Variants in MCM3AP observed in about 807,000 individuals in gnomAD.
MCM3AP encodes minichromosome maintenance complex component 3 associated protein.
In MCM3AP, 126 loss-of-function variants were observed where a neutral mutation model predicts 184.1. The ratio of observed to expected loss-of-function variants is 0.68; its 90% CI spans 0.59 to 0.79. The LOEUF is 0.79. Ranked by LOEUF, MCM3AP falls within the 30% of genes least tolerant of loss-of-function variation. The probability of loss-of-function intolerance (pLI) is 0.00; values close to 1 mark genes in which losing one functional copy is unlikely to be tolerated. For synonymous variants in MCM3AP, 1,002 were observed against 979.3 expected (o/e 1.02, Z -0.43); for missense variants, 2,496 against 2,479.2 (o/e 1.01, Z -0.14).
At chr21:46,242,985 C>CAAAA in intron 24 of MCM3AP, 54 bp from the exon 25 acceptor site, 3 of 1,020,146 alleles carry the variant, frequency 2.9e-6, no homozygotes, top group Admixed American at 3.1e-5. Flanking sequence ...AACCCTGTCT[C>CAAAA]AAAAAAAAAA....
chr21:46,241,133 G>A (rs2080657333), intron 25 of MCM3AP, 116 bp from the exon 26 acceptor site: 1 of 767,530 alleles, frequency 1.3e-6, no homozygotes, highest in South Asian at 1.6e-5. Context: ...ATGTGCCTCA[G>A]ACACATGTGC....
chr21:46,284,875 C>T lies in MCM3AP; in HGVS notation c.412G>A (p.Gly138Ser), dbSNP rs778634295. 1.9e-6 allele frequency: 3 copies of T among 1,614,198 alleles called. No homozygotes were observed. Among genetic ancestry groups the T allele is most frequent in the East Asian group, 2.2e-5 (1 of 44,886 alleles). The change falls in exon 1 of 28, where the codon GGT becomes AGT. Residue 138 changes from glycine (G) to serine (S), a missense_variant. Gly to Ser is a moderately conservative substitution (Grantham distance 56, BLOSUM62 0). Around this residue, in one of 5 missense-constraint regions of MCM3AP, gnomAD observed 800 missense variants for 717.1 expected, o/e 1.12. Transcript: ENST00000291688. ...GQEAGEIVNS[G>S]FGKTEFSFKP... ...AAGCTGAATTCTGTTTTCCCAAAAC[C>T]AGAGTTCACTATTTCTCCAGCTTCT...
chr21:46,266,062 A>G lies in MCM3AP; in HGVS notation c.2894T>C (p.Ile965Thr), dbSNP rs770327154. The G allele has an allele frequency of 6.2e-7, 1 of 1,612,366 alleles. No individual in the cohort carries two copies. Among genetic ancestry groups the G allele is most frequent in the South Asian group, 1.1e-5 (1 of 90,308 alleles). The change falls in exon 11 of 28, where the codon ATT (isoleucine) becomes ACT (threonine). Residue 965 changes from isoleucine (I) to threonine (T), a missense_variant. Physicochemically the swap from Ile to Thr is moderately conservative, Grantham distance 89 (BLOSUM62 -1). Around this residue, in one of 5 missense-constraint regions of MCM3AP, gnomAD observed 138 missense variants for 191.9 expected, o/e 0.72. Transcript: ENST00000291688. ...GGGGGGCAATGGCCCTCCGTTCACAATTTCCCCGACTGACACCGTCAGCTT... is the reference window on the plus strand; with the variant it reads ...GGGGGGCAATGGCCCTCCGTTCACAGTTTCCCCGACTGACACCGTCAGCTT... Reference protein sequence around the residue: ...TRKLTVSVGEIVNGGPLPPVP... With the variant: ...TRKLTVSVGETVNGGPLPPVP...
Position 46,280,144 on chromosome 21 carries a change from A to G in MCM3AP, c.1523-7T>C, listed in dbSNP as rs2081313169. On this transcript the variant is annotated splice_region_variant and splice_polypyrimidine_tract_variant and intron_variant, in intron 3 of 27. Coordinates refer to ENST00000291688, the MANE Select transcript of MCM3AP (RefSeq NM_003906.5). ...AAGGGTTTCTTATTGGGGCCTGTGG[A>G]CATAGGAGGCAGAAAAGAGTTTATG... 1.9e-6 allele frequency: 3 copies of G among 1,613,808 alleles called. No individual in the cohort carries two copies. The highest frequency in any genetic ancestry group is 8.5e-7 in the Non-Finnish European group (1 of 1,179,880).
chr21:46,264,311 C>T (rs1340842852), intron 12 of MCM3AP, 94 bp from the exon 13 acceptor site: 16 of 757,048 alleles, frequency 2.1e-5, no homozygotes, highest in Non-Finnish European at 3.3e-5. Flanking sequence ...GCAGGCGTCT[C>T]GTGACAGAAG....
At chr21:46,266,890 G>A in intron 10 of MCM3AP, 92 bp downstream of exon 10, 1 of 1,397,904 alleles carries the variant, frequency 7.2e-7, no homozygotes, top group Non-Finnish European at 9.8e-7. Flanking sequence ...CCTTCTTCAA[G>A]TCAGGCAAGC....
chr21:46,267,216 C>T, intron 9 of MCM3AP, 74 bp from the exon 10 acceptor site: 1 of 1,428,550 alleles, frequency 7.0e-7, no homozygotes, highest in South Asian at 1.3e-5. Flanking sequence ...CCCATGACCA[C>T]AGCCATGGCC....
chr21:46,253,050 G>C (rs919544857), intron 19 of MCM3AP: 4 of 152,186 alleles, frequency 2.6e-5, no homozygotes, highest in African/African-American at 9.7e-5. Context: ...GAGGTGAGAA[G>C]ATCAGTTGAG....
chr21:46,270,875 C>A (rs2081170631), intron 8 of MCM3AP, among the ~76,000 whole-genome samples: 1 of 152,162 alleles, frequency 6.6e-6, no homozygotes, highest in South Asian at 2.1e-4. Flanking sequence ...CCGTTAAATT[C>A]ATAGTTTACT....
At chr21:46,268,592 G>A (rs570297358) in intron 9 of MCM3AP, among the ~76,000 whole-genome samples, 114 of 152,360 alleles carry the variant, frequency 7.5e-4, no homozygotes, top group African/African-American at 2.5e-3. Flanking sequence ...AGACAGCGCC[G>A]TGCGGCTCTG....
rs904630794 is a variant in MCM3AP at position 46,273,520 on chromosome 21, G to T, written c.2064C>A (p.Pro688=). 1 of 1,613,902 alleles carries T rather than the reference G, an allele frequency of 6.2e-7. No homozygotes were observed. Among genetic ancestry groups the T allele is most frequent in the Non-Finnish European group, 8.5e-7 (1 of 1,179,864 alleles). ...RSSADQEEPL[P]HELRPLPVLS... The stretch of plus-strand genomic sequence containing the variant: ...GCACTGGCAAGGGCCGCAGCTCGTG[G>T]GGCAGGGGCTCCTCCTGATCCGCCG... The change falls in exon 7 of 28, where the codon CCC becomes CCA. Residue 688 remains proline (P), a synonymous_variant. Transcript: ENST00000291688.
intron 10 of MCM3AP, 84 bp downstream of exon 10, chr21:46,266,898 A>G: frequency 6.9e-7 from 1 of 1,457,772 alleles, no homozygotes; most frequent in Admixed American, 2.0e-5. Flanking sequence ...AAGTCAGGCA[A>G]GCAGCCAGCC....
At chr21:46,270,229 G>T in intron 9 of MCM3AP, 172 bp downstream of exon 9, 1 of 569,746 alleles carries the variant, frequency 1.8e-6, no homozygotes. Context: ...GACCAACAGT[G>T]ATAACCCCTA....
At chr21:46,245,669 T>G (rs2080754760) in intron 22 of MCM3AP, among the ~76,000 whole-genome samples, 1 of 152,018 alleles carries the variant, frequency 6.6e-6, no homozygotes, top group South Asian at 2.1e-4. Context: ...CCTGCCCTAT[T>G]TTTTTTGTTT....
intron 20 of MCM3AP, 36 bp downstream of exon 20, chr21:46,251,493 A>T: frequency 1.3e-6 from 2 of 1,547,286 alleles, no homozygotes; most frequent in Non-Finnish European, 1.8e-6. Flanking sequence ...AAAGTAATGA[A>T]AACACAGAAG....
At chr21:46,244,702 C>A in intron 23 of MCM3AP, 105 bp downstream of exon 23, 2 of 1,227,232 alleles carry the variant, frequency 1.6e-6, no homozygotes, top group South Asian at 2.9e-5. Context: ...GGACGTGCAG[C>A]CCTCACACTG....
rs1406357587 is a variant in MCM3AP, at chr21:46,245,062, T to G, written c.4783A>C (p.Arg1595=). 1.2e-6 allele frequency: 2 copies of G among 1,614,036 alleles called. No individual in the cohort carries two copies. Among genetic ancestry groups the G allele is most frequent in the Non-Finnish European group, 8.5e-7 (1 of 1,180,026 alleles). ...SGRFFHDRRE[R]RLGGLASQEP... ...TGAGAAGCAAGACCGCCCAGACGCC[T>G]CTCTCTTCTGTCATGGAAAAAGCGG... The change falls in exon 23 of 28, where the codon AGG becomes CGG. Residue 1595 remains arginine (R), a synonymous_variant. Coordinates refer to ENST00000291688, the MANE Select transcript of MCM3AP (RefSeq NM_003906.5).
chr21:46,279,404 G>A (rs976796803), intron 4 of MCM3AP, among the ~76,000 whole-genome samples: 7 of 152,246 alleles, frequency 4.6e-5, no homozygotes, highest in Admixed American at 6.5e-5. Context: ...GATTCAGGAC[G>A]AGTTAGATGA....
At chr21:46,277,837 C>T in intron 4 of MCM3AP, 120 bp from the exon 5 acceptor site, 1 of 534,342 alleles carries the variant, frequency 1.9e-6, no homozygotes, top group Non-Finnish European at 3.2e-6. Flanking sequence ...TGAGAAACTA[C>T]AAGCACTGAA....
Sources: allele counts gnomAD v4.1 joint callset (sites outside exome capture counted in the v4.1 genomes callset), GRCh38; gene constraint gnomAD v4.1.1; regional missense constraint gnomAD v4.1.1; transcripts MANE v1.5; gene names NCBI Gene and HGNC (gene_info 2026-07-23, HGNC 2026-07-21).